The following SORCS1 variants were observed in gnomAD, a reference collection of about 807,000 sequenced individuals.
The protein encoded by SORCS1 is sortilin related VPS10 domain containing receptor 1.
In SORCS1, 60 loss-of-function variants were observed where a neutral mutation model predicts 146.1. That is an observed-to-expected ratio of 0.41 (90% confidence interval 0.33 to 0.51). The LOEUF is 0.51. Ranked by LOEUF, SORCS1 falls within the 20% of genes least tolerant of loss-of-function variation. The pLI is 0.21. For synonymous variants in SORCS1, 637 were observed against 584.0 expected (o/e 1.09, Z -1.31); for missense variants, 1,352 against 1,487.6 (o/e 0.91, Z 1.50).
chr10:106,593,273 TA>T (rs1476331652), intron 24 of SORCS1, among the ~76,000 whole-genome samples: 2 of 151,612 alleles, frequency 1.3e-5, no homozygotes, highest in Non-Finnish European at 2.9e-5. Flanking sequence ...CCTATTCAAA[TA>T]TTTTTTTTCT....
intron 2 of SORCS1, among the ~76,000 whole-genome samples, chr10:106,935,718 C>T (rs1953679090): frequency 6.6e-6 from 1 of 152,092 alleles, no homozygotes; most frequent in Non-Finnish European, 1.5e-5. Flanking sequence ...AAACAATTTG[C>T]CCAAGATCAC....
chr10:107,000,922 T>C (rs1405687863), intron 1 of SORCS1, among the ~76,000 whole-genome samples: 1 of 152,114 alleles, frequency 6.6e-6, no homozygotes, highest in Non-Finnish European at 1.5e-5. Context: ...TGGATGTTAT[T>C]TGTAGAAGCA....
chr10:107,098,959 T>C (rs1964731050), intron 1 of SORCS1, among the ~76,000 whole-genome samples: 1 of 152,216 alleles, frequency 6.6e-6, no homozygotes, highest in Non-Finnish European at 1.5e-5. Context: ...ACTCAATAAC[T>C]CTTCATGAAC....
chr10:107,126,479 G>A (rs1966719737), intron 1 of SORCS1, among the ~76,000 whole-genome samples: 4 of 152,130 alleles, frequency 2.6e-5, no homozygotes, highest in Admixed American at 2.6e-4. Context: ...AAATTTTAAT[G>A]AGAAATAAAA....
chr10:106,984,455 GC>G (rs1451682232), intron 1 of SORCS1, among the ~76,000 whole-genome samples: 30 of 146,590 alleles, frequency 2.0e-4, no homozygotes, highest in African/African-American at 7.4e-4. Context: ...GTGCAGTGGT[GC>G]GATCTCGGCT....
rs544982263 is a variant in SORCS1, at chr10:106,801,487, C to A, written c.727-24795G>T. 2.6e-5 allele frequency among the ~76,000 whole-genome samples: 4 copies of A among 151,348 alleles called. No homozygotes were observed. The East Asian group carries it at 7.7e-4, about 29-fold the overall frequency. Reference sequence around the variant, plus strand: ...ATTTGCATATATTAACTCATGTAAACCCACGAATTTATTGGGCAGGAACTA... The same window carrying A: ...ATTTGCATATATTAACTCATGTAAAACCACGAATTTATTGGGCAGGAACTA... On this transcript the variant is annotated intron_variant, in intron 3 of 25. Transcript: ENST00000263054.
intron 5 of SORCS1, among the ~76,000 whole-genome samples, chr10:106,742,406 G>C (rs962077850): frequency 6.6e-6 from 1 of 151,960 alleles, no homozygotes; most frequent in African/African-American, 2.4e-5. Flanking sequence ...TTGAGATGGA[G>C]TCTAGCTCTG....
chr10:106,667,263 C>A (rs1851233694), intron 17 of SORCS1: 1 of 166,640 alleles, frequency 6.0e-6, no homozygotes, highest in Non-Finnish European at 1.3e-5. Context: ...CACTAGTATA[C>A]TTTTGAAAAG....
At chr10:106,706,200 A>AAG in intron 8 of SORCS1, among the ~76,000 whole-genome samples, 1 of 151,290 alleles carries the variant, frequency 6.6e-6, no homozygotes, top group Non-Finnish European at 1.5e-5. Context: ...AGAAGAAAGA[A>AAG]AGAAAGAAAA....
At chr10:106,880,267 TG>T (rs1589618103) in intron 2 of SORCS1, among the ~76,000 whole-genome samples, 1 of 152,228 alleles carries the variant, frequency 6.6e-6, no homozygotes, top group Non-Finnish European at 1.5e-5. Flanking sequence ...AAAGAATTGT[TG>T]CACTTCAGTC....
At chr10:106,953,997 T>A (rs368873349) in intron 2 of SORCS1, among the ~76,000 whole-genome samples, 1 of 152,208 alleles carries the variant, frequency 6.6e-6, no homozygotes, top group Admixed American at 6.5e-5. Context: ...TGGGATGTGA[T>A]GCCATTTTTT....
intron 2 of SORCS1, among the ~76,000 whole-genome samples, chr10:106,915,834 G>T (rs1193818340): frequency 1.3e-5 from 2 of 152,134 alleles, no homozygotes; most frequent in African/African-American, 4.8e-5. Context: ...CCAAGTGAGA[G>T]CAACAAAGTA....
intron 2 of SORCS1, among the ~76,000 whole-genome samples, chr10:106,888,132 A>G (rs1018478554): frequency 2.0e-5 from 3 of 152,212 alleles, no homozygotes; most frequent in Non-Finnish European, 4.4e-5. Flanking sequence ...GTTTTTATAG[A>G]AAAATATGGA....
At chr10:106,840,860 TA>T (rs1471394686) in intron 2 of SORCS1, among the ~76,000 whole-genome samples, 1,673 of 105,584 alleles carry the variant, frequency 0.016, 10 homozygotes, top group African/African-American at 0.034. Flanking sequence ...TATATATATA[TA>T]TATTTTTTTT....
intron 18 of SORCS1, among the ~76,000 whole-genome samples, chr10:106,648,729 G>C (rs1160068490): frequency 6.6e-6 from 1 of 152,126 alleles, no homozygotes; most frequent in East Asian, 1.9e-4. Context: ...CAGAAGTGGG[G>C]GAAGGGCGTT....
intron 4 of SORCS1, among the ~76,000 whole-genome samples, chr10:106,763,756 C>CTACCAGCCA (rs1859330588): frequency 6.6e-6 from 1 of 152,226 alleles, no homozygotes; most frequent in South Asian, 2.1e-4. Flanking sequence ...TGCTATCAAA[C>CTACCAGCCA]TACCAGCCAC....
intron 1 of SORCS1, among the ~76,000 whole-genome samples, chr10:107,125,918 C>T (rs2134587501): frequency 6.6e-6 from 1 of 152,254 alleles, no homozygotes; most frequent in South Asian, 2.1e-4. Context: ...GAAATGCTAC[C>T]AATGCTTGTA....
At chr10:106,808,506 T>C (rs1325872339) in intron 3 of SORCS1, among the ~76,000 whole-genome samples, 1 of 151,996 alleles carries the variant, frequency 6.6e-6, no homozygotes, top group Non-Finnish European at 1.5e-5. Flanking sequence ...ATTTATTTTA[T>C]TTATTTATTT....
intron 2 of SORCS1, among the ~76,000 whole-genome samples, chr10:106,872,052 G>T (rs1312308946): frequency 6.6e-6 from 1 of 152,192 alleles, no homozygotes; most frequent in Admixed American, 6.5e-5. Context: ...TGTCCTCATG[G>T]AGCTTAAATT....
Sources: allele counts gnomAD v4.1 joint callset (sites outside exome capture counted in the v4.1 genomes callset), GRCh38; gene constraint gnomAD v4.1.1; transcripts MANE v1.5; gene names NCBI Gene and HGNC (gene_info 2026-07-23, HGNC 2026-07-21).